Variants in ANKS1B observed in about 807,000 individuals in gnomAD.
ANKS1B encodes ankyrin repeat and sterile alpha motif domain-containing protein 1B.
Under a neutral mutation model 148.3 loss-of-function variants are expected in ANKS1B, and 36 were observed. That is an observed-to-expected ratio of 0.24 (90% CI 0.19 to 0.32). The LOEUF (loss-of-function observed/expected upper bound fraction) is 0.32, where lower values mean the gene tolerates loss of function less well. Ranked by LOEUF, ANKS1B falls within the 10% of genes least tolerant of loss-of-function variation. The probability of loss-of-function intolerance (pLI) is 1.00; values close to 1 mark genes in which losing one functional copy is unlikely to be tolerated. For missense variants in ANKS1B, 1,157 were observed against 1,542.6 expected (o/e 0.75, Z 4.19); for synonymous variants, 542 against 560.8 (o/e 0.97, Z 0.47).
chr12:98,853,953 T>C (rs1023888606), intron 17 of ANKS1B, among the ~76,000 whole-genome samples: 3 of 152,168 alleles, frequency 2.0e-5, no homozygotes, highest in Non-Finnish European at 2.9e-5. Context: ...TGTTCCATAA[T>C]CAGGCTTCAT....
chr12:98,757,336 G>A (rs1052151497), intron 25 of ANKS1B, among the ~76,000 whole-genome samples: 2 of 152,234 alleles, frequency 1.3e-5, no homozygotes, highest in South Asian at 2.1e-4. Flanking sequence ...GGACTGCCAC[G>A]CCCAGCCCAG....
chr12:98,847,600 T>TG (rs2099488438), intron 17 of ANKS1B, among the ~76,000 whole-genome samples: 1 of 151,028 alleles, frequency 6.6e-6, no homozygotes, highest in South Asian at 2.1e-4. Context: ...GATCTTAATT[T>TG]TTTTTCTTCT....
intron 14 of ANKS1B, among the ~76,000 whole-genome samples, chr12:99,200,730 C>G (rs878991015): frequency 6.6e-6 from 1 of 152,062 alleles, no homozygotes; most frequent in Admixed American, 6.6e-5. Context: ...AAAAAAGAAC[C>G]AATTTTACTA....
intron 14 of ANKS1B, among the ~76,000 whole-genome samples, chr12:99,225,809 T>C (rs1295695937): frequency 1.3e-5 from 2 of 152,236 alleles, no homozygotes; most frequent in East Asian, 3.9e-4. Flanking sequence ...TCTGAGATTT[T>C]GGGACTTGGA....
Position 99,702,701 on chromosome 12 carries a change from C to A in ANKS1B, c.1129-47491G>T, listed in dbSNP as rs1436741412. Among the ~76,000 whole-genome samples the A allele has an allele frequency of 4.2e-5, 5 of 120,156 alleles. No homozygotes were observed. The East Asian group carries it at 2.1e-3, about 51-fold the overall frequency. The allele number at this position is 120,156 out of a possible 152,430, so 78.8% of individuals were successfully genotyped here. On this transcript the variant is annotated intron_variant, in intron 8 of 26. Coordinates refer to ENST00000683438, the MANE Select transcript of ANKS1B (RefSeq NM_001352186.2). Reference sequence around the variant, plus strand: ...GGGACCATAGGCATGCACCACCAAACCCAGCTAATTTTTTTTTTTTTTTTG... The same window carrying A: ...GGGACCATAGGCATGCACCACCAAAACCAGCTAATTTTTTTTTTTTTTTTG...
At chr12:99,525,257 A>G (rs2096915758) in intron 9 of ANKS1B, among the ~76,000 whole-genome samples, 1 of 152,206 alleles carries the variant, frequency 6.6e-6, no homozygotes, top group Admixed American at 6.5e-5. Context: ...ACACCTTATC[A>G]TTTTGTACTG....
At position 99,559,071 on chromosome 12, in the gene ANKS1B, C is replaced by T. The variant is rs149468860; in HGVS notation, c.1273-54430G>A. Among the ~76,000 whole-genome samples, 34 of 152,244 alleles carry T rather than the reference C, an allele frequency of 2.2e-4. No homozygotes were observed. The South Asian group carries it at 2.9e-3, about 13-fold the overall frequency. On this transcript the variant is annotated intron_variant, in intron 9 of 26. Coordinates refer to ENST00000683438, the MANE Select transcript of ANKS1B (RefSeq NM_001352186.2). ...CTTGGTGCTCCGAAACCCTGCGCAC[C>T]GTTCCCAGCTTCCTCCCGCTTCAGC...
At chr12:98,956,931 A>T (rs1370382298) in intron 17 of ANKS1B, among the ~76,000 whole-genome samples, 1 of 152,148 alleles carries the variant, frequency 6.6e-6, no homozygotes, top group Non-Finnish European at 1.5e-5. Flanking sequence ...CTACTTAAAG[A>T]ATACCATCTC....
At chr12:99,520,771 C>T (rs2096867606) in intron 9 of ANKS1B, among the ~76,000 whole-genome samples, 1 of 151,944 alleles carries the variant, frequency 6.6e-6, no homozygotes, top group African/African-American at 2.4e-5. Context: ...TCTTTTGCTT[C>T]CTCTGACTGT....
chr12:98,790,795 A>G (rs2098841958), intron 22 of ANKS1B, among the ~76,000 whole-genome samples: 1 of 152,228 alleles, frequency 6.6e-6, no homozygotes, highest in South Asian at 2.1e-4. Context: ...ATGAACTTTC[A>G]GTGGATCAAT....
chr12:99,856,893 G>A (rs1205916302), intron 1 of ANKS1B, among the ~76,000 whole-genome samples: 1 of 151,986 alleles, frequency 6.6e-6, no homozygotes, highest in African/African-American at 2.4e-5. Context: ...TTAAAGTAAT[G>A]AAAGCCATCT....
chr12:99,195,918 CTT>C (rs1356071589), intron 14 of ANKS1B, among the ~76,000 whole-genome samples: 1 of 152,054 alleles, frequency 6.6e-6, no homozygotes, highest in Non-Finnish European at 1.5e-5. Flanking sequence ...TCTAACATAA[CTT>C]AACCATTATG....
At chr12:99,887,513 A>G (rs1048746771) in intron 1 of ANKS1B, among the ~76,000 whole-genome samples, 4 of 152,112 alleles carry the variant, frequency 2.6e-5, no homozygotes, top group African/African-American at 7.2e-5. Context: ...ATGATAGAGC[A>G]CTCCTGGATC....
chr12:99,866,995 A>T (rs1474920642), intron 1 of ANKS1B, among the ~76,000 whole-genome samples: 1 of 152,188 alleles, frequency 6.6e-6, no homozygotes. Flanking sequence ...AAACAAGAGG[A>T]AAAAGGGAAA....
chr12:99,123,408 A>T (rs2153731497), intron 15 of ANKS1B, among the ~76,000 whole-genome samples: 1 of 152,252 alleles, frequency 6.6e-6, no homozygotes, highest in South Asian at 2.1e-4. Context: ...CAGCCAGGAG[A>T]CCTGTATGAC....
At chr12:99,914,927 C>A (rs954525799) in intron 1 of ANKS1B, among the ~76,000 whole-genome samples, 1 of 152,028 alleles carries the variant, frequency 6.6e-6, no homozygotes, top group African/African-American at 2.4e-5. Flanking sequence ...TCAGGTCCTA[C>A]TGATAAAAGC....
downstream of ANKS1B, among the ~76,000 whole-genome samples, chr12:98,739,291 G>T (rs1171440591): frequency 1.3e-5 from 2 of 152,196 alleles, no homozygotes; most frequent in East Asian, 3.8e-4. Flanking sequence ...CTCGGAGAAG[G>T]CATCAGATGC....
chr12:99,428,177 T>C (rs1313981116), intron 11 of ANKS1B, among the ~76,000 whole-genome samples: 1 of 152,012 alleles, frequency 6.6e-6, no homozygotes, highest in Non-Finnish European at 1.5e-5. Context: ...CTACTGGCAG[T>C]GTGAGGAGGT....
chr12:99,401,876 G>A (rs2152600322), intron 11 of ANKS1B, among the ~76,000 whole-genome samples: 1 of 146,612 alleles, frequency 6.8e-6, no homozygotes, highest in East Asian at 1.9e-4. Context: ...GCTCAAATCT[G>A]GCTTTCTTCC....
Sources: gnomAD v4.1 joint callset for allele counts (sites outside exome capture counted in the v4.1 genomes callset) on GRCh38, gnomAD v4.1.1 for gene constraint, MANE v1.5 for transcripts, NCBI Gene and HGNC (gene_info 2026-07-23, HGNC 2026-07-21) for gene names.